Variants in TTC7A observed in about 807,000 individuals in gnomAD.
TTC7A encodes tetratricopeptide repeat domain 7A.
In TTC7A, 110 loss-of-function variants were observed where a neutral mutation model predicts 103.7. The ratio of observed to expected loss-of-function variants is 1.06; its 90% confidence interval spans 0.91 to 1.24. The LOEUF is 1.24. Among genes scored for constraint, TTC7A ranks in the 50% most tolerant of loss-of-function variants. The pLI is 0.00. For synonymous variants in TTC7A, 521 were observed against 467.9 expected (o/e 1.11, Z -1.47); for missense variants, 1,340 against 1,116.3 (o/e 1.20, Z -2.86).
At chr2:46,950,629 T>G (rs895331365) in intron 2 of TTC7A, 103 bp downstream of exon 2, 1 of 1,314,578 alleles carries the variant, frequency 7.6e-7, no homozygotes. Flanking sequence ...GCAACAAGTC[T>G]CTCTTACAAG....
intron 11 of TTC7A, among the ~76,000 whole-genome samples, chr2:47,013,278 A>G (rs1002172418): frequency 6.6e-6 from 1 of 152,170 alleles, no homozygotes; most frequent in Non-Finnish European, 1.5e-5. Flanking sequence ...CTTGGTTCCC[A>G]GGTCTTTTGG....
intron 15 of TTC7A, among the ~76,000 whole-genome samples, chr2:47,038,450 C>G (rs1023436419): frequency 1.3e-5 from 2 of 152,158 alleles, no homozygotes; most frequent in Non-Finnish European, 2.9e-5. Flanking sequence ...ATTAGACTTT[C>G]CAGAGGCGTG....
At position 47,074,079 on chromosome 2, in the gene TTC7A, G is replaced by A; in HGVS notation, c.*156G>A. On this transcript the variant is annotated 3_prime_UTR_variant, in exon 20 of 20. Transcript: ENST00000319190. ...AGCTGCAGCCCTCGTTCTCTTGGCTGGGCCAAGAGGGCCTTCCTGGATTTC... is the reference window on the plus strand; with the variant it reads ...AGCTGCAGCCCTCGTTCTCTTGGCTAGGCCAAGAGGGCCTTCCTGGATTTC... The A allele has an allele frequency of 1.6e-6, 1 of 615,894 alleles. No individual in the cohort carries two copies. Among genetic ancestry groups the A allele is most frequent in the Non-Finnish European group, 2.8e-6 (1 of 351,346 alleles). The allele number at this position is 615,894 out of a possible 1,614,324, so 38.2% of individuals were successfully genotyped here. A position where few individuals can be genotyped will look rare whatever the true frequency, so the allele number is the denominator to read the frequency against.
At chr2:47,057,368 C>T (rs926911710) in intron 18 of TTC7A, among the ~76,000 whole-genome samples, 8 of 152,184 alleles carry the variant, frequency 5.3e-5, no homozygotes, top group Admixed American at 2.6e-4. Flanking sequence ...TTCTTCAGGG[C>T]GTGCTCTCTG....
intron 15 of TTC7A, among the ~76,000 whole-genome samples, chr2:47,040,931 G>A (rs528583734): frequency 1.3e-5 from 2 of 152,212 alleles, no homozygotes; most frequent in Non-Finnish European, 2.9e-5. Context: ...GGACAGTACT[G>A]TGACCATTGC....
At chr2:46,970,893 A>G (rs567804752) in intron 3 of TTC7A, among the ~76,000 whole-genome samples, 206 of 152,252 alleles carry the variant, frequency 1.4e-3, no homozygotes, top group Non-Finnish European at 2.2e-3. Flanking sequence ...AAGGACCTTC[A>G]TGTTCTCTGC....
At chr2:46,974,677 C>A in intron 3 of TTC7A, 1 of 514,064 alleles carries the variant, frequency 1.9e-6, no homozygotes, top group Non-Finnish European at 3.8e-6. Flanking sequence ...CATTCTCTTT[C>A]GCTTAGAAAA....
chr2:47,008,397 G>A (rs1028604366), intron 10 of TTC7A, among the ~76,000 whole-genome samples: 2 of 152,194 alleles, frequency 1.3e-5, no homozygotes, highest in African/African-American at 2.4e-5. Context: ...TGGGAGGTAA[G>A]GAGTCTTCTG....
intron 14 of TTC7A, among the ~76,000 whole-genome samples, chr2:47,027,911 A>G (rs966958442): frequency 3.3e-5 from 5 of 152,190 alleles, no homozygotes; most frequent in Admixed American, 6.5e-5. Flanking sequence ...AACTGCCGGA[A>G]TTCTTTTTTC....
At chr2:47,051,990 C>CTA in intron 18 of TTC7A, 110 bp downstream of exon 18, 1 of 1,393,342 alleles carries the variant, frequency 7.2e-7, no homozygotes, top group African/African-American at 1.4e-5. Context: ...CCTTGCTAGG[C>CTA]CCACGCGGGT....
At chr2:47,003,697 A>C (rs1305089106) in intron 8 of TTC7A, among the ~76,000 whole-genome samples, 1 of 152,086 alleles carries the variant, frequency 6.6e-6, no homozygotes, top group Non-Finnish European at 1.5e-5. Flanking sequence ...TCTTGCTTCC[A>C]CCAGAATTCC....
At chr2:47,024,430 C>G in intron 14 of TTC7A, 71 bp downstream of exon 14, 1 of 1,396,156 alleles carries the variant, frequency 7.2e-7, no homozygotes, top group Non-Finnish European at 9.8e-7. Context: ...CCCAGCTTAC[C>G]AGCTGTGTGA....
chr2:47,015,910 A>C (rs1205968541), intron 11 of TTC7A, among the ~76,000 whole-genome samples: 2 of 152,236 alleles, frequency 1.3e-5, no homozygotes, highest in African/African-American at 4.8e-5. Flanking sequence ...ATTTTTCAGT[A>C]GAGCAGCTAA....
chr2:46,992,853 T>A (rs1675770855), intron 5 of TTC7A, among the ~76,000 whole-genome samples: 2 of 152,252 alleles, frequency 1.3e-5, no homozygotes, highest in African/African-American at 4.8e-5. Context: ...ACTTCGGTTT[T>A]ATGTCAGGGA....
intron 2 of TTC7A, among the ~76,000 whole-genome samples, chr2:46,952,092 T>G (rs561977901): frequency 3.3e-5 from 5 of 152,226 alleles, no homozygotes; most frequent in African/African-American, 9.6e-5. Context: ...GGCCAGGATG[T>G]GCAGGGCTTA....
intron 19 of TTC7A, among the ~76,000 whole-genome samples, chr2:47,063,331 G>T (rs568455640): frequency 6.6e-6 from 1 of 152,196 alleles, no homozygotes; most frequent in Non-Finnish European, 1.5e-5. Context: ...TCCCAGAGAC[G>T]GCAAAGCACA....
At chr2:46,929,684 G>A (rs1221589373) in intron 2 of TTC7A, among the ~76,000 whole-genome samples, 1 of 152,044 alleles carries the variant, frequency 6.6e-6, no homozygotes, top group Non-Finnish European at 1.5e-5. Flanking sequence ...AAATAAGAAA[G>A]ATTGAAAATT....
chr2:46,926,672 T>C (rs758133505), intron 2 of TTC7A, among the ~76,000 whole-genome samples: 11 of 152,228 alleles, frequency 7.2e-5, no homozygotes, highest in Non-Finnish European at 1.6e-4. Flanking sequence ...AATATAAAAT[T>C]ATCCTAAGCA....
In TTC7A at chr2:46,975,074, G is replaced by C; in HGVS notation, c.619G>C (p.Ala207Pro). 6.2e-7 allele frequency: 1 copy of C among 1,613,756 alleles called. No individual in the cohort carries two copies. Among genetic ancestry groups the C allele is most frequent in the Non-Finnish European group, 8.5e-7 (1 of 1,179,742 alleles). Reference protein sequence around the residue: ...ITCFERASWIAQVFLQELEKT... With the variant: ...ITCFERASWIPQVFLQELEKT... ...CTGTTTTGAGAGGGCCTCCTGGATC[G>C]CTCAGGTGTTCCTGCAGGAATTGGA... The change falls in exon 4 of 20, where the codon GCT (alanine) becomes CCT (proline). Residue 207 changes from alanine to proline, a missense_variant. Ala to Pro is a conservative substitution (Grantham distance 27). Transcript: ENST00000319190.
Sources: gnomAD v4.1 joint callset for allele counts (sites outside exome capture counted in the v4.1 genomes callset) on GRCh38, gnomAD v4.1.1 for gene constraint, MANE v1.5 for transcripts, NCBI Gene and HGNC (gene_info 2026-07-23, HGNC 2026-07-21) for gene names.